IGSF10: variants seen among roughly 807,000 people sequenced by gnomAD.
IGSF10 encodes the protein calvaria mechanical force protein 608.
In IGSF10, 126 loss-of-function variants were observed where a neutral mutation model predicts 128.2. The ratio of observed to expected loss-of-function variants is 0.98; its 90% CI spans 0.85 to 1.14. IGSF10 has a LOEUF of 1.14. Among genes scored for constraint, IGSF10 ranks in the 50% most tolerant of loss-of-function variants. The pLI is 0.00. For missense variants in IGSF10, 3,295 were observed against 3,149.8 expected, an observed-to-expected ratio of 1.05 and a Z score of -1.10; for synonymous variants, 1,185 against 1,146.2, an observed-to-expected ratio of 1.03 and a Z score of -0.68.
rs759559603 is a variant in IGSF10, at chr3:151,443,724, A to G, written c.5223T>C (p.Val1741=). 15 of 1,614,158 alleles carry G rather than the reference A, an allele frequency of 9.3e-6. 1 individual carries two copies. The South Asian group carries it at 1.6e-4, about 18-fold the overall frequency. ...TDHLHVTLSV[V]SYPPRILERR... Reference sequence around the variant, plus strand: ...TCTCCAGGATCCTGGGAGGATAGGAAACCACAGACAAGGTGACATGAAGGT... The same window carrying G: ...TCTCCAGGATCCTGGGAGGATAGGAGACCACAGACAAGGTGACATGAAGGT... Residue 1741 remains valine (V), a synonymous_variant, in exon 7 of 8, where the codon GTT becomes GTC. Transcript: ENST00000282466.
chr3:151,575,312 T>C, the IGSF10 span, among the ~76,000 whole-genome samples: 1 of 152,206 alleles, frequency 6.6e-6, no homozygotes. Context: ...TTTGTTCAGC[T>C]ATGCCCTGCC....
chr3:151,560,274 G>A, the IGSF10 span, among the ~76,000 whole-genome samples: 23 of 151,734 alleles, frequency 1.5e-4, no homozygotes, highest in Non-Finnish European at 3.2e-4. Context: ...TTATCACCTC[G>A]GGGCTCTTAT....
the IGSF10 span, among the ~76,000 whole-genome samples, chr3:151,580,313 T>C: frequency 2.0e-5 from 3 of 151,932 alleles, no homozygotes; most frequent in Non-Finnish European, 2.9e-5. Context: ...CAGCCAACTT[T>C]CACTATAAGA....
At chr3:151,434,125 C>CT (rs1719828307), downstream of IGSF10, 1 of 152,234 alleles carries the variant, frequency 6.6e-6, no homozygotes, top group Non-Finnish European at 1.5e-5. Context: ...CCCATGTTCT[C>CT]TGTTATTTCA....
chr3:151,569,212 C>T, the IGSF10 span, among the ~76,000 whole-genome samples: 1 of 152,166 alleles, frequency 6.6e-6, no homozygotes, highest in African/African-American at 2.4e-5. Flanking sequence ...GCTGGGATTA[C>T]AGGTATGCGC....
chr3:151,447,592 A>G lies in IGSF10; in HGVS notation c.2389T>C (p.Ser797Pro). The G allele has an allele frequency of 6.2e-7, 1 of 1,614,156 alleles. No homozygotes were observed. The highest frequency in any genetic ancestry group is 8.5e-7 in the Non-Finnish European group (1 of 1,180,024). ...PNIPGEEDDS[S>P]GMLALHEEFM... ...TCCTCATGTAGAGCGAGCATGCCTG[A>G]GGAATCGTCTTCTTCACCAGGTATG... The change falls in exon 6 of 8, where the codon TCA (serine) becomes CCA (proline). Residue 797 changes from serine (S) to proline (P), a missense_variant. By Grantham distance (74) the Ser-to-Pro change is moderately conservative. Transcript: ENST00000282466.
At position 151,443,105 on chromosome 3, in the gene IGSF10, G is replaced by T. The variant is rs1219941199; in HGVS notation, c.5842C>A (p.Gln1948Lys). ...VTSPRIEAAS[Q>K]KRTEVNFGDK... ...CCAAAATTCACTTCAGTCCTTTTCT[G>T]GGATGCAGCTTCTATCCTGGGGCTG... Residue 1948 changes from glutamine to lysine, a missense_variant, in exon 7 of 8, where the codon CAG (glutamine) becomes AAG (lysine). Physicochemically the swap from Gln to Lys is moderately conservative, Grantham distance 53. Transcript: ENST00000282466. 4 of 1,614,158 alleles carry T rather than the reference G, an allele frequency of 2.5e-6. No homozygotes were observed. The South Asian group carries it at 3.3e-5, about 13-fold the overall frequency.
the IGSF10 span, among the ~76,000 whole-genome samples, chr3:151,615,764 A>G: frequency 6.6e-6 from 1 of 152,176 alleles, no homozygotes; most frequent in African/African-American, 2.4e-5. Flanking sequence ...AATAGCATAC[A>G]AAGGTCGAGA....
At chr3:151,523,286 T>A in the IGSF10 span, among the ~76,000 whole-genome samples, 3 of 152,044 alleles carry the variant, frequency 2.0e-5, no homozygotes, top group Non-Finnish European at 4.4e-5. Flanking sequence ...AAACTACCAA[T>A]GACATTCTTC....
At chr3:151,549,780 A>C in the IGSF10 span, among the ~76,000 whole-genome samples, 1 of 152,248 alleles carries the variant, frequency 6.6e-6, no homozygotes, top group Non-Finnish European at 1.5e-5. Flanking sequence ...TTAAATTAAA[A>C]TATGTACATC....
chr3:151,442,281 A>G (rs2108539764), intron 7 of IGSF10, among the ~76,000 whole-genome samples: 1 of 152,268 alleles, frequency 6.6e-6, no homozygotes, highest in East Asian at 1.9e-4. Context: ...TCAGACGAGT[A>G]AAATAACGGA....
At chr3:151,477,618 A>T in the IGSF10 span, among the ~76,000 whole-genome samples, 103 of 152,366 alleles carry the variant, frequency 6.8e-4, no homozygotes, top group Admixed American at 1.6e-3. Flanking sequence ...ATATGGAAAG[A>T]TCCAGTAAAA....
At chr3:151,521,953 T>G in the IGSF10 span, among the ~76,000 whole-genome samples, 1 of 151,576 alleles carries the variant, frequency 6.6e-6, no homozygotes, top group Non-Finnish European at 1.5e-5. Context: ...CAGGCCACAC[T>G]AGCTAGACTA....
chr3:151,593,430 G>A, the IGSF10 span, among the ~76,000 whole-genome samples: 5 of 151,936 alleles, frequency 3.3e-5, no homozygotes, highest in Non-Finnish European at 1.5e-5. Flanking sequence ...ACCTCATGAT[G>A]GCTTTCTGTG....
At chr3:151,614,042 T>C in the IGSF10 span, among the ~76,000 whole-genome samples, 27 of 152,324 alleles carry the variant, frequency 1.8e-4, no homozygotes, top group Middle Eastern at 3.4e-3. Flanking sequence ...AAAGAAGACA[T>C]TTATGCAGGC....
Position 151,445,148 on chromosome 3 carries a change from A to C in IGSF10, c.4833T>G (p.Asp1611Glu). The change falls in exon 6 of 8, where the codon GAT becomes GAG. Residue 1611 changes from aspartate (D) to glutamate (E), a missense_variant. By Grantham distance (45) the Asp-to-Glu change is conservative. Transcript: ENST00000282466. ...SEATTLVSDW[D>E]GQKNTKKSDF... ...CACTCTTCTTTGTGTTCTTCTGTCC[A>C]TCCCAATCTGAAACAAGAGTGGTGG... 1.9e-6 allele frequency: 3 copies of C among 1,614,264 alleles called. No individual in the cohort carries two copies. Among genetic ancestry groups the C allele is most frequent in the Admixed American group, 3.3e-5 (2 of 60,032 alleles).
chr3:151,537,452 C>T, the IGSF10 span, among the ~76,000 whole-genome samples: 1 of 152,188 alleles, frequency 6.6e-6, no homozygotes. Flanking sequence ...GGCAAGTCTG[C>T]ACTCTTTAGA....
the IGSF10 span, among the ~76,000 whole-genome samples, chr3:151,581,574 C>T: frequency 6.6e-6 from 1 of 152,108 alleles, no homozygotes; most frequent in Non-Finnish European, 1.5e-5. Context: ...AAGCTTCCAC[C>T]ATGTAATGGG....
At position 151,455,362 on chromosome 3, in the gene IGSF10, C is replaced by CG. The variant is rs576745826; in HGVS notation, c.325-1589_325-1588insC. The stretch of plus-strand genomic sequence containing the variant: ...CCCAACCTCAGGTGATCTGCCCCCC[C>CG]TTGGCCTCCCAAAGTTCTGGGGTTA... On this transcript the variant is annotated intron_variant, in intron 4 of 7. Transcript: ENST00000282466. Among the ~76,000 whole-genome samples the CG allele has an allele frequency of 4.5e-4, 68 of 151,882 alleles. No homozygotes were observed. The East Asian group carries it at 0.011, about 25-fold the overall frequency.
Sources: gnomAD v4.1 joint callset for allele counts (sites outside exome capture counted in the v4.1 genomes callset) on GRCh38, gnomAD v4.1.1 for gene constraint, MANE v1.5 for transcripts, NCBI Gene and HGNC (gene_info 2026-07-23, HGNC 2026-07-21) for gene names.